Variants in ZDHHC24 observed in about 807,000 individuals in gnomAD.
ZDHHC24 encodes the protein zDHHC palmitoyltransferase 24.
A neutral mutation model predicts 23.2 loss-of-function variants in ZDHHC24; 17 were observed. The ratio of observed to expected loss-of-function variants is 0.73; its 90% confidence interval spans 0.50 to 1.10. The LOEUF (loss-of-function observed/expected upper bound fraction) is 1.10. Ranked by LOEUF, ZDHHC24 falls within the 50% of genes least tolerant of loss-of-function variation. The pLI is 0.00. For missense variants in ZDHHC24, 366 were observed against 393.0 expected (o/e 0.93, Z 0.58); for synonymous variants, 186 against 194.5 (o/e 0.96, Z 0.36).
In ZDHHC24 at chr11:66,526,735, A is replaced by G; in HGVS notation, c.*21+201T>C. The G allele has an allele frequency of 6.2e-7, 1 of 1,614,248 alleles. No homozygotes were observed. The highest frequency in any genetic ancestry group is 8.5e-7 in the Non-Finnish European group (1 of 1,180,036). On this transcript the variant is annotated intron_variant, in intron 4 of 4. Coordinates refer to the ZDHHC24 transcript ENST00000526986. ...GGTGGGTCCCCCACCAGCCCAGGCC[A>G]TGAAACTCAATGTGCCCCGAAAGAC...
chr11:66,523,330 C>T lies in ZDHHC24; in HGVS notation c.*22-1864G>A. On this transcript the variant is annotated intron_variant, in intron 4 of 4. Transcript: ENST00000526986. ...AAGGTGGCAGAAGTGGAAATAATCC[C>T]AGGGTCATCTGCTTTGGGGCCAGTG... The T allele has an allele frequency of 2.2e-6, 3 of 1,347,494 alleles. No homozygotes were observed. The East Asian group carries it at 6.9e-5, about 31-fold the overall frequency. The allele number at this position is 1,347,494 out of a possible 1,614,324, so 83.5% of individuals were successfully genotyped here.
intron 4 of ZDHHC24, among the ~76,000 whole-genome samples, chr11:66,524,621 C>A (rs566898221): frequency 1.3e-5 from 2 of 152,252 alleles, no homozygotes; most frequent in South Asian, 4.1e-4. Context: ...TGCACAAAGC[C>A]TGAGAAGTAT....
At chr11:66,522,326 A>G (rs1856277584) in intron 4 of ZDHHC24, among the ~76,000 whole-genome samples, 1 of 151,606 alleles carries the variant, frequency 6.6e-6, no homozygotes, top group Non-Finnish European at 1.5e-5. Context: ...TTAATATTCC[A>G]TATAAAATGC....
chr11:66,539,796 C>G lies in ZDHHC24; in HGVS notation c.588G>C (p.Leu196Phe). The change falls in exon 3 of 3, where the codon TTG (leucine) becomes TTC (phenylalanine). Residue 196 changes from leucine (L) to phenylalanine (F), a missense_variant. Leu to Phe is a conservative substitution (Grantham distance 22, BLOSUM62 0). Transcript: ENST00000310442. Reference protein sequence around the residue: ...TGRVSLAQFALAFVTDTCVAG... With the variant: ...TGRVSLAQFAFAFVTDTCVAG... Reference sequence around the variant, plus strand: ...CCACGCACGTGTCCGTCACGAAGGCCAAGGCAAACTGTGCCAGAGACACTC... The same window carrying G: ...CCACGCACGTGTCCGTCACGAAGGCGAAGGCAAACTGTGCCAGAGACACTC... 1 of 1,610,448 alleles carries G rather than the reference C, an allele frequency of 6.2e-7. No individual in the cohort carries two copies. The highest frequency in any genetic ancestry group is 8.5e-7 in the Non-Finnish European group (1 of 1,178,318).
At chr11:66,530,966 G>GGGCT, downstream of ZDHHC24, 1 of 1,614,190 alleles carries the variant, frequency 6.2e-7, no homozygotes, top group South Asian at 1.1e-5. Context: ...TCCTGTCCTG[G>GGGCT]GGCTGCTGGT....
intron 4 of ZDHHC24, chr11:66,524,183 G>C (rs1856382355): frequency 2.5e-6 from 1 of 402,458 alleles, no homozygotes; most frequent in South Asian, 2.1e-5. Flanking sequence ...AGGAGGTTGA[G>C]GTAGGAGAAT....
At chr11:66,521,075 C>A, downstream of ZDHHC24, 1 of 630,582 alleles carries the variant, frequency 1.6e-6, no homozygotes. Flanking sequence ...ATCGTTTAGT[C>A]AAAAGGCACA....
intron 4 of ZDHHC24, chr11:66,523,332 G>A: frequency 7.4e-7 from 1 of 1,357,866 alleles, no homozygotes; most frequent in Non-Finnish European, 1.1e-6. Context: ...AATAATCCCA[G>A]GGTCATCTGC....
chr11:66,540,145 C>T (rs559336830), intron 2 of ZDHHC24, among the ~76,000 whole-genome samples: 4 of 152,194 alleles, frequency 2.6e-5, no homozygotes, highest in Non-Finnish European at 4.4e-5. Flanking sequence ...TGGCTGGATG[C>T]GGTGGCTCAC....
chr11:66,523,212 A>G, intron 4 of ZDHHC24: 1 of 636,444 alleles, frequency 1.6e-6, no homozygotes, highest in Non-Finnish European at 2.9e-6. Flanking sequence ...GGCGGAAGAC[A>G]AGACACCATA....
chr11:66,526,849 T>G, intron 4 of ZDHHC24: 1 of 1,614,148 alleles, frequency 6.2e-7, no homozygotes, highest in Non-Finnish European at 8.5e-7. Context: ...CCTCCTCCAC[T>G]GCTCCTACAC....
At chr11:66,539,884 C>T in intron 2 of ZDHHC24, 60 bp from the exon 3 acceptor site, 1 of 1,440,872 alleles carries the variant, frequency 6.9e-7, no homozygotes, top group Non-Finnish European at 9.2e-7. Context: ...TTCCTGCCAC[C>T]TGCTCCCCTC....
intron 4 of ZDHHC24, among the ~76,000 whole-genome samples, chr11:66,522,279 C>T (rs1856274058): frequency 6.6e-6 from 1 of 150,728 alleles, no homozygotes; most frequent in Non-Finnish European, 1.5e-5. Flanking sequence ...TTGTTACTTT[C>T]TAGGGTACAT....
intron 4 of ZDHHC24, chr11:66,524,310 TA>T: frequency 3.2e-6 from 1 of 315,998 alleles, no homozygotes; most frequent in Non-Finnish European, 6.2e-6. Context: ...GAGCACCTCA[TA>T]TGTACCAGTC....
In ZDHHC24 at chr11:66,529,883, GC is replaced by G. The variant is rs748785824; in HGVS notation, c.560-396del. The G allele has an allele frequency of 6.2e-7, 1 of 1,609,526 alleles. No individual in the cohort carries two copies. Among genetic ancestry groups the G allele is most frequent in the Non-Finnish European group, 8.5e-7 (1 of 1,179,960 alleles). The stretch of plus-strand genomic sequence containing the variant: ...GCCTACGTGCTGCCCGCGCCTACCT[GC>G]AGGCCCTCGAGTCCAGCCTGAGCCC... On this transcript the variant is annotated intron_variant, in intron 2 of 4. Coordinates refer to the ZDHHC24 transcript ENST00000526986.
downstream of ZDHHC24, among the ~76,000 whole-genome samples, chr11:66,535,335 C>T (rs142636369): frequency 6.6e-6 from 1 of 151,812 alleles, no homozygotes; most frequent in South Asian, 2.1e-4. Flanking sequence ...TCAGCCCACC[C>T]CCATCCCCCA....
chr11:66,525,119 G>C (rs1322777397), intron 4 of ZDHHC24, among the ~76,000 whole-genome samples: 1 of 151,536 alleles, frequency 6.6e-6, no homozygotes, highest in Non-Finnish European at 1.5e-5. Flanking sequence ...AGAATGGCGT[G>C]AACCTGGGAG....
downstream of ZDHHC24, chr11:66,531,768 G>GA: frequency 6.2e-7 from 1 of 1,613,960 alleles, no homozygotes; most frequent in Non-Finnish European, 8.5e-7. Flanking sequence ...GTACCACGTG[G>GA]AAGGTGAGCA....
At chr11:66,526,972 T>C (rs1470176562) in exon 4 of ZDHHC24, 1 of 1,549,714 alleles carries the variant, frequency 6.5e-7, no homozygotes, top group East Asian at 2.4e-5. Flanking sequence ...AGGTACACGT[T>C]GCCTGCAAAT....
Sources: gnomAD v4.1 joint callset for allele counts (sites outside exome capture counted in the v4.1 genomes callset) on GRCh38, gnomAD v4.1.1 for gene constraint, MANE v1.5 for transcripts, NCBI Gene and HGNC (gene_info 2026-07-23, HGNC 2026-07-21) for gene names.